CYTH1: variants seen among roughly 807,000 people sequenced by gnomAD.
The protein encoded by CYTH1 is cytohesin 1, also known as cytohesin-1.
Under a neutral mutation model 61.8 loss-of-function variants are expected in CYTH1, and 18 were observed. The ratio of observed to expected loss-of-function variants is 0.29; its 90% CI spans 0.20 to 0.43. CYTH1 has a LOEUF of 0.43. CYTH1 is among the 20% of genes least tolerant of loss of function. The pLI is 1.00. For missense variants in CYTH1, 336 were observed against 510.5 expected (o/e 0.66, Z 3.29); for synonymous variants, 174 against 184.3 (o/e 0.94, Z 0.45).
At position 78,698,306 on chromosome 17, in the gene CYTH1, G is replaced by T. The variant is rs774754881; in HGVS notation, c.774C>A (p.Phe258Leu). 6.2e-7 allele frequency: 1 copy of T among 1,613,608 alleles called. No individual in the cohort carries two copies. Among genetic ancestry groups the T allele is most frequent in the Non-Finnish European group, 8.5e-7 (1 of 1,179,886 alleles). ...GCCAGCCTTCTCGGTCTGGATTGAA[G>T]AAAGTGTGAGTGAGGTCATTCCCGT... ...EDDGNDLTHT[F>L]FNPDREGWLL... is the part of the protein sequence containing the mutation. Residue 258 changes from phenylalanine (F) to leucine (L), a missense_variant, in exon 9 of 14, where the codon TTC becomes TTA. Physicochemically the swap from Phe to Leu is conservative, Grantham distance 22 (BLOSUM62 0). This residue lies in a region of CYTH1 where 125 missense variants were observed against 209.9 expected (regional missense o/e 0.60). Transcript: ENST00000446868.
At chr17:78,707,682 A>ATT (rs140347768) in intron 3 of CYTH1, among the ~76,000 whole-genome samples, 41 of 141,856 alleles carry the variant, frequency 2.9e-4, no homozygotes, top group Non-Finnish European at 3.4e-4. Context: ...CTCCAGTTCA[A>ATT]TTTTTTTTTT....
chr17:78,718,218 T>TACACACACACACAC lies in CYTH1; in HGVS notation c.23-8500_23-8487dup, dbSNP rs55803104. ...ACCTGGAAGTTTCATAAACACTGAATACACACACACACACACACACACACA... is the reference window on the plus strand; with the variant it reads ...ACCTGGAAGTTTCATAAACACTGAATACACACACACACACACACACACACACACACACACACACA... On this transcript the variant is annotated intron_variant, in intron 1 of 13. Coordinates refer to ENST00000446868, the MANE Select transcript of CYTH1 (RefSeq NM_004762.6). 1.6e-3 allele frequency among the ~76,000 whole-genome samples: 205 copies of TACACACACACACAC among 128,378 alleles called. 3 individuals are homozygous for TACACACACACACAC. Among genetic ancestry groups the TACACACACACACAC allele is most frequent in the Middle Eastern group, 7.4e-3 (2 of 270 alleles). The allele number at this position is 128,378 out of a possible 152,430, so 84.2% of individuals were successfully genotyped here. A position where few individuals can be genotyped will look rare whatever the true frequency, so the allele number is the denominator to read the frequency against.
chr17:78,756,465 C>T (rs940299838), intron 1 of CYTH1, among the ~76,000 whole-genome samples: 1 of 152,082 alleles, frequency 6.6e-6, no homozygotes, highest in Admixed American at 6.6e-5. Context: ...CCTGAAAAGT[C>T]TGCAGCAAAT....
intron 1 of CYTH1, among the ~76,000 whole-genome samples, chr17:78,732,638 C>T (rs9895025): frequency 0.97 from 147,415 of 152,324 alleles, 71,355 homozygotes; most frequent in East Asian, 1. Flanking sequence ...GTAACCATTT[C>T]TGATTCTGCA....
intron 1 of CYTH1, among the ~76,000 whole-genome samples, chr17:78,735,708 A>C (rs1020125536): frequency 5.9e-5 from 9 of 152,226 alleles, no homozygotes; most frequent in African/African-American, 1.9e-4. Context: ...AGGACACCCA[A>C]GTTTTATTAC....
At chr17:78,769,263 G>A (rs2093461225) in intron 1 of CYTH1, among the ~76,000 whole-genome samples, 1 of 150,314 alleles carries the variant, frequency 6.7e-6, no homozygotes, top group Non-Finnish European at 1.5e-5. Context: ...CCCCATAACT[G>A]TCCCCCATTT....
chr17:78,760,384 T>TATATATACAC (rs751494741), intron 1 of CYTH1, among the ~76,000 whole-genome samples: 5 of 51,398 alleles, frequency 9.7e-5, no homozygotes, highest in African/African-American at 4.0e-4. Context: ...TATATATATA[T>TATATATACAC]ACACACACAT....
intron 1 of CYTH1, among the ~76,000 whole-genome samples, chr17:78,738,472 T>C (rs2093329756): frequency 6.6e-6 from 1 of 152,136 alleles, no homozygotes; most frequent in African/African-American, 2.4e-5. Context: ...CAAGTCTCAC[T>C]GGGGAGCTGG....
chr17:78,704,105 A>G (rs891384062), intron 3 of CYTH1, among the ~76,000 whole-genome samples: 2 of 152,268 alleles, frequency 1.3e-5, no homozygotes, highest in African/African-American at 4.8e-5. Flanking sequence ...CCTTGGGAGC[A>G]TATCAGACGT....
Position 78,675,808 on chromosome 17 carries a change from A to C in CYTH1, c.*283T>G. The C allele has an allele frequency of 1.5e-6, 2 of 1,370,190 alleles. No homozygotes were observed. The highest frequency in any genetic ancestry group is 1.9e-6 in the Non-Finnish European group (2 of 1,033,428). 84.9% of individuals were successfully genotyped at this position (1,370,190 alleles called of 1,614,324 possible). ...GAGCTCTGCTACCAGAACACTGAGC[A>C]GAGAAACTGGCCAGGAGGCTGCCCT... On this transcript the variant is annotated 3_prime_UTR_variant, in exon 14 of 14. Transcript: ENST00000446868.
intron 1 of CYTH1, among the ~76,000 whole-genome samples, chr17:78,777,191 G>A (rs1237937299): frequency 2.7e-5 from 4 of 146,476 alleles, no homozygotes; most frequent in Non-Finnish European, 5.9e-5. Context: ...TTTGGGAGGC[G>A]GATGGATCAC....
rs1371759972 is a variant in CYTH1 at position 78,717,364 on chromosome 17, T to G, written c.23-7632A>C. ...TGGCAGTCAGGGGGACGGTCCAGCA[T>G]CAGCCCCATCACCATTCCTTTCCAG... On this transcript the variant is annotated intron_variant, in intron 1 of 13. Coordinates refer to ENST00000446868, the MANE Select transcript of CYTH1 (RefSeq NM_004762.6). The surrounding 1 kb of genome is among the most constrained non-coding windows in gnomAD (Gnocchi z 4.4). Among the ~76,000 whole-genome samples, 2 of 152,172 alleles carry G rather than the reference T, an allele frequency of 1.3e-5. No homozygotes were observed. The highest frequency in any genetic ancestry group is 4.8e-5 in the African/African-American group (2 of 41,442).
intron 1 of CYTH1, among the ~76,000 whole-genome samples, chr17:78,750,629 A>C (rs1184256885): frequency 6.6e-6 from 1 of 152,066 alleles, no homozygotes; most frequent in Non-Finnish European, 1.5e-5. Context: ...AGCATGGTGA[A>C]ACCCCATCTC....
At chr17:78,726,267 C>A (rs2093266180) in intron 1 of CYTH1, among the ~76,000 whole-genome samples, 1 of 152,046 alleles carries the variant, frequency 6.6e-6, no homozygotes, top group Non-Finnish European at 1.5e-5. Context: ...TGGTCTCGAT[C>A]TCCTGACCTT....
In CYTH1 at chr17:78,717,236, G is replaced by T. The variant is rs1410191223; in HGVS notation, c.23-7504C>A. ...AGCACAATGGAGACAAACCAGAGGG[G>T]GAGCCGCCCTGACACACCACCCGGT... On this transcript the variant is annotated intron_variant, in intron 1 of 13. Transcript: ENST00000446868. The surrounding 1 kb of genome is among the most constrained non-coding windows in gnomAD (Gnocchi z 4.4). Among the ~76,000 whole-genome samples, 1 of 152,142 alleles carries T rather than the reference G, an allele frequency of 6.6e-6. No homozygotes were observed. Among genetic ancestry groups the T allele is most frequent in the Non-Finnish European group, 1.5e-5 (1 of 68,024 alleles).
chr17:78,723,381 A>G (rs1350670205), intron 1 of CYTH1: 1 of 152,440 alleles, frequency 6.6e-6, no homozygotes, highest in Non-Finnish European at 1.5e-5. Context: ...GTGCAGGGAG[A>G]GCCGGAGCAA....
At chr17:78,682,099 A>T (rs1340496543) in intron 11 of CYTH1, among the ~76,000 whole-genome samples, 3 of 132,926 alleles carry the variant, frequency 2.3e-5, no homozygotes, top group Non-Finnish European at 4.4e-5. Flanking sequence ...TCCTAAAATA[A>T]CTATCTGGTC....
chr17:78,723,057 G>A (rs750127918), intron 1 of CYTH1, among the ~76,000 whole-genome samples: 35 of 152,238 alleles, frequency 2.3e-4, no homozygotes, highest in African/African-American at 6.5e-4. Flanking sequence ...TCAGAGGAGA[G>A]CATAGAATGC....
At chr17:78,690,551 A>C (rs991901810) in intron 11 of CYTH1, among the ~76,000 whole-genome samples, 2 of 150,898 alleles carry the variant, frequency 1.3e-5, no homozygotes, top group Admixed American at 6.6e-5. Context: ...ACAAAAAAAA[A>C]CGGATGTGGT....
Sources: gnomAD v4.1 joint callset for allele counts (sites outside exome capture counted in the v4.1 genomes callset) on GRCh38, gnomAD v4.1.1 for gene constraint, gnomAD v4.1.1 regional missense constraint, Gnocchi (gnomAD v3.1) non-coding constraint, MANE v1.5 for transcripts, NCBI Gene and HGNC (gene_info 2026-07-23, HGNC 2026-07-21) for gene names.